Variants in OR51F1 observed in about 807,000 individuals in gnomAD.
The protein encoded by OR51F1 is olfactory receptor family 51 subfamily F member 1, also known as olfactory receptor 51F1.
For missense variants in OR51F1, 438 were observed against 385.4 expected (o/e 1.14, Z -1.14); for synonymous variants, 142 against 143.5 (o/e 0.99, Z 0.08).
rs200200884 is a variant in OR51F1, at chr11:4,769,394, G to T, written c.545C>A (p.Ala182Asp). The T allele has an allele frequency of 1.2e-6, 2 of 1,613,926 alleles. No homozygotes were observed. The highest frequency in any genetic ancestry group is 2.2e-5 in the East Asian group (1 of 44,888). ...ATGGTAACAATAGGAGTGAGAAAGG[G>T]CATTCATTCTACAGAAATAGAGAGG... ...LKPLYFCRMN[A>D]LSHSYCYHPD... The change falls in exon 1 of 1, where the codon GCC (alanine) becomes GAC (aspartate). Residue 182 changes from alanine to aspartate, a missense_variant. Transcript: ENST00000624103.
chr11:4,769,093 A>G lies in OR51F1; in HGVS notation c.846T>C (p.His282=). 5.7e-6 allele frequency: 9 copies of G among 1,589,928 alleles called. No homozygotes were observed. Among genetic ancestry groups the G allele is most frequent in the Non-Finnish European group, 7.7e-6 (9 of 1,167,498 alleles). ...GCAGGTATACATTAGCCATCACTGA[A>G]TGGACTACTCTGGGGGCTGACCGAC... ...RYGRSAPRVV[H]SVMANVYLLL... The change falls in exon 1 of 1, where the codon CAT becomes CAC. Residue 282 remains histidine (H), a synonymous_variant. Transcript: ENST00000624103.
In OR51F1 at chr11:4,769,412, T is replaced by A; in HGVS notation, c.527A>T (p.Tyr176Phe). The A allele has an allele frequency of 6.2e-7, 1 of 1,613,844 alleles. No homozygotes were observed. The highest frequency in any genetic ancestry group is 8.5e-7 in the Non-Finnish European group (1 of 1,179,786). ...AGAAAGGGCATTCATTCTACAGAAA[T>A]AGAGAGGCTTAAGGAGCAAAAGTAG... ...LPLLLLLKPLYFCRMNALSHS... is the reference protein window; with the variant it reads ...LPLLLLLKPLFFCRMNALSHS... The change falls in exon 1 of 1, where the codon TAT becomes TTT. Residue 176 changes from tyrosine to phenylalanine, a missense_variant. By Grantham distance (22) the Tyr-to-Phe change is conservative. Transcript: ENST00000624103.
In OR51F1 at chr11:4,769,562, G is replaced by C. The variant is rs1564905368; in HGVS notation, c.377C>G (p.Ala126Gly). Residue 126 changes from alanine to glycine, a missense_variant, in exon 1 of 1, where the codon GCT becomes GGT. Transcript: ENST00000624103. ...GGCCACATAACGGTCAAAGGCTGTAGCCACCAGCACTCCAGATTCCATAAA... is the reference window on the plus strand; with the variant it reads ...GGCCACATAACGGTCAAAGGCTGTACCCACCAGCACTCCAGATTCCATAAA... The part of the protein sequence containing the change: ...FTFMESGVLV[A>G]TAFDRYVAIC... 6.2e-7 allele frequency: 1 copy of C among 1,613,104 alleles called. No individual in the cohort carries two copies. The highest frequency in any genetic ancestry group is 2.2e-5 in the East Asian group (1 of 44,880).
rs779801855 is a variant in OR51F1, at chr11:4,769,324, G to A, written c.615C>T (p.Ser205=). Residue 205 remains serine (S), a synonymous_variant, in exon 1 of 1, where the codon AGC becomes AGT. Transcript: ENST00000624103. The part of the protein sequence containing the change: ...QLACSDIRAN[S]ICGLIDLILT... ...GGATGAGATCAATTAATCCACAGATGCTATTTGCCCGAATGTCTGAACATG... is the reference window on the plus strand; with the variant it reads ...GGATGAGATCAATTAATCCACAGATACTATTTGCCCGAATGTCTGAACATG... The A allele has an allele frequency of 8.1e-6, 13 of 1,613,130 alleles. No individual in the cohort carries two copies. The South Asian group carries it at 1.2e-4, about 15-fold the overall frequency.
At position 4,769,107 on chromosome 11, in the gene OR51F1, G is replaced by A; in HGVS notation, c.832C>T (p.Pro278Ser). 6.2e-7 allele frequency: 1 copy of A among 1,600,438 alleles called. No homozygotes were observed. The highest frequency in any genetic ancestry group is 8.5e-7 in the Non-Finnish European group (1 of 1,173,076). The change falls in exon 1 of 1, where the codon CCC becomes TCC. Residue 278 changes from proline to serine, a missense_variant. Pro to Ser is a moderately conservative substitution (Grantham distance 74, BLOSUM62 -1). Coordinates refer to ENST00000624103, the MANE Select transcript of OR51F1 (RefSeq NM_001004752.2). ...GCCATCACTGAATGGACTACTCTGGGGGCTGACCGACCATAGCGATACACC... is the reference window on the plus strand; with the variant it reads ...GCCATCACTGAATGGACTACTCTGGAGGCTGACCGACCATAGCGATACACC... ...SLVYRYGRSA[P>S]RVVHSVMANV... is the part of the protein sequence containing the mutation.
In OR51F1 at chr11:4,769,777, G is replaced by C. The variant is rs1341380796; in HGVS notation, c.162C>G (p.Ile54Met). 6.2e-7 allele frequency: 1 copy of C among 1,613,738 alleles called. No homozygotes were observed. Among genetic ancestry groups the C allele is most frequent in the East Asian group, 2.2e-5 (1 of 44,886 alleles). ...TCTGCTGGGTAATGATGACAAACAG[G>C]ATCACGCTGTTCCCAGAGAGGGCAA... ...YAIALSGNSV[I>M]LFVIITQQSL... Residue 54 changes from isoleucine to methionine, a missense_variant, in exon 1 of 1, where the codon ATC (isoleucine) becomes ATG (methionine). By Grantham distance (10) the Ile-to-Met change is conservative. Coordinates refer to ENST00000624103, the MANE Select transcript of OR51F1 (RefSeq NM_001004752.2).
chr11:4,769,255 G>C lies in OR51F1; in HGVS notation c.684C>G (p.Ile228Met), dbSNP rs1288552034. 6.2e-7 allele frequency: 1 copy of C among 1,613,594 alleles called. No homozygotes were observed. Reference protein sequence around the residue: ...IDTPCIVLSYILIIHSVLRIA... With the variant: ...IDTPCIVLSYMLIIHSVLRIA... Reference sequence around the variant, plus strand: ...TTCTGAGGACAGAGTGAATAATTAAGATATATGACAGGACAATGCATGGTG... The same window carrying C: ...TTCTGAGGACAGAGTGAATAATTAACATATATGACAGGACAATGCATGGTG... The change falls in exon 1 of 1, where the codon ATC (isoleucine) becomes ATG (methionine). Residue 228 changes from isoleucine to methionine, a missense_variant. Physicochemically the swap from Ile to Met is conservative, Grantham distance 10. Coordinates refer to ENST00000624103, the MANE Select transcript of OR51F1 (RefSeq NM_001004752.2).
In OR51F1 at chr11:4,769,724, A is replaced by T; in HGVS notation, c.215T>A (p.Leu72His). The T allele has an allele frequency of 6.2e-7, 1 of 1,613,586 alleles. No homozygotes were observed. The highest frequency in any genetic ancestry group is 8.5e-7 in the Non-Finnish European group (1 of 1,179,482). ...CAGATCAGTGGCTGATAGCCTGAAG[A>T]GGAAATAATACATGGGTTCATGGAG... ...QSLHEPMYYFLFRLSATDLGL... is the reference protein window; with the variant it reads ...QSLHEPMYYFHFRLSATDLGL... Residue 72 changes from leucine (L) to histidine (H), a missense_variant, in exon 1 of 1, where the codon CTC (leucine) becomes CAC (histidine). Leu to His is a moderately conservative substitution (Grantham distance 99, BLOSUM62 -3). Coordinates refer to ENST00000624103, the MANE Select transcript of OR51F1 (RefSeq NM_001004752.2).
rs539268071 is a variant in OR51F1 at position 4,769,514 on chromosome 11, G to C, written c.425C>G (p.Thr142Ser). 3.7e-6 allele frequency: 6 copies of C among 1,613,722 alleles called. No individual in the cohort carries two copies. In the East Asian group the frequency reaches 6.7e-5, roughly 18 times the overall value. ...GATTCTGGAATTAGTGAGAATGGTA[G>C]TGTACCTCAGAGGGTCACAGATGGC... ...YVAICDPLRY[T>S]TILTNSRIIQ... The change falls in exon 1 of 1, where the codon ACT becomes AGT. Residue 142 changes from threonine (T) to serine (S), a missense_variant. Coordinates refer to ENST00000624103, the MANE Select transcript of OR51F1 (RefSeq NM_001004752.2).
Position 4,769,563 on chromosome 11 carries a change from C to A in OR51F1, c.376G>T (p.Ala126Ser), listed in dbSNP as rs1348736696. 1.1e-5 allele frequency: 17 copies of A among 1,613,076 alleles called. No homozygotes were observed. The highest frequency in any genetic ancestry group is 1.4e-5 in the Non-Finnish European group (17 of 1,179,154). The part of the protein sequence containing the change: ...FTFMESGVLV[A>S]TAFDRYVAIC... ...GCCACATAACGGTCAAAGGCTGTAGCCACCAGCACTCCAGATTCCATAAAA... is the reference window on the plus strand; with the variant it reads ...GCCACATAACGGTCAAAGGCTGTAGACACCAGCACTCCAGATTCCATAAAA... The change falls in exon 1 of 1, where the codon GCT (alanine) becomes TCT (serine). Residue 126 changes from alanine to serine, a missense_variant. Coordinates refer to ENST00000624103, the MANE Select transcript of OR51F1 (RefSeq NM_001004752.2).
rs1430384319 is a variant in OR51F1, at chr11:4,769,544, T to C, written c.395A>G (p.Tyr132Cys). ...CCTCAGAGGGTCACAGATGGCCACA[T>C]AACGGTCAAAGGCTGTAGCCACCAG... ...GVLVATAFDR[Y>C]VAICDPLRYT... is the part of the protein sequence containing the mutation. Residue 132 changes from tyrosine (Y) to cysteine (C), a missense_variant, in exon 1 of 1, where the codon TAT becomes TGT. By Grantham distance (194) the Tyr-to-Cys change is radical. Transcript: ENST00000624103. 1 of 1,613,566 alleles carries C rather than the reference T, an allele frequency of 6.2e-7. No individual in the cohort carries two copies. Among genetic ancestry groups the C allele is most frequent in the South Asian group, 1.1e-5 (1 of 91,048 alleles).
Position 4,769,602 on chromosome 11 carries a change from GAA to G in OR51F1, c.335_336del (p.Phe112SerfsTer18). On this transcript the variant is annotated frameshift_variant, in exon 1 of 1. Coordinates refer to ENST00000624103, the MANE Select transcript of OR51F1 (RefSeq NM_001004752.2). LOFTEE classifies it low-confidence loss of function (END_TRUNC). ...GATTCCATAAAAGTGAATCCATGAA[GAA>G]AAAACATCTGGACAATGCAGCTATA... ...SLYSCIVQMF[F>X]LHGFTFMESG... is the part of the protein sequence containing the mutation. 6.2e-7 allele frequency: 1 copy of G among 1,613,134 alleles called. No individual in the cohort carries two copies. The highest frequency in any genetic ancestry group is 2.2e-5 in the East Asian group (1 of 44,878).
Position 4,769,751 on chromosome 11 carries a change from CT to C in OR51F1, c.187del (p.Ser63ValfsTer20), listed in dbSNP as rs1848689457. 2 of 1,613,840 alleles carry C rather than the reference CT, an allele frequency of 1.2e-6. No individual in the cohort carries two copies. The highest frequency in any genetic ancestry group is 3.3e-5 in the Admixed American group (2 of 59,980). On this transcript the variant is annotated frameshift_variant, in exon 1 of 1. Transcript: ENST00000624103. LOFTEE classifies it low-confidence loss of function (END_TRUNC). ...GAAATAATACATGGGTTCATGGAGA[CT>C]CTGCTGGGTAATGATGACAAACAGG... ...VILFVIITQQ[S>X]LHEPMYYFLF...
chr11:4,769,183 G>A lies in OR51F1; in HGVS notation c.756C>T (p.Ser252=), dbSNP rs773791278. 4 of 1,614,082 alleles carry A rather than the reference G, an allele frequency of 2.5e-6. No homozygotes were observed. Among genetic ancestry groups the A allele is most frequent in the South Asian group, 1.1e-5 (1 of 91,080 alleles). ...AGAAGAAAGCAACTGCTCCCACATG[G>A]GAGACACAGGTGCTGAAGACCTTGT... ...EWHKVFSTCV[S]HVGAVAFFYI... Residue 252 remains serine (S), a synonymous_variant, in exon 1 of 1, where the codon TCC becomes TCT. Transcript: ENST00000624103.
rs755640092 is a variant in OR51F1 at position 4,769,546 on chromosome 11, A to ATT, written c.392_393insAA (p.Tyr132IlefsTer9). On this transcript the variant is annotated frameshift_variant, in exon 1 of 1. Coordinates refer to ENST00000624103, the MANE Select transcript of OR51F1 (RefSeq NM_001004752.2). LOFTEE classifies it low-confidence loss of function (END_TRUNC). ...TCAGAGGGTCACAGATGGCCACATA[A>ATT]CGGTCAAAGGCTGTAGCCACCAGCA... 23 of 1,613,478 alleles carry ATT rather than the reference A, an allele frequency of 1.4e-5. No homozygotes were observed. Among genetic ancestry groups the ATT allele is most frequent in the South Asian group, 2.2e-5 (2 of 91,044 alleles).
At position 4,769,788 on chromosome 11, in the gene OR51F1, T is replaced by A; in HGVS notation, c.151A>T (p.Asn51Tyr). The A allele has an allele frequency of 1.2e-6, 2 of 1,613,708 alleles. No individual in the cohort carries two copies. The highest frequency in any genetic ancestry group is 2.2e-5 in the South Asian group (2 of 91,052). ...ATGATGACAAACAGGATCACGCTGT[T>A]CCCAGAGAGGGCAATGGCATAAAAA... ...CCFYAIALSG[N>Y]SVILFVIITQ... The change falls in exon 1 of 1, where the codon AAC becomes TAC. Residue 51 changes from asparagine to tyrosine, a missense_variant. By Grantham distance (143) the Asn-to-Tyr change is moderately radical. Transcript: ENST00000624103.
Position 4,769,136 on chromosome 11 carries a change from G to T in OR51F1, c.803C>A (p.Ser268Tyr). 4 of 1,611,912 alleles carry T rather than the reference G, an allele frequency of 2.5e-6. No homozygotes were observed. In the South Asian group the frequency reaches 4.4e-5, roughly 18 times the overall value. The change falls in exon 1 of 1, where the codon TCC becomes TAC. Residue 268 changes from serine (S) to tyrosine (Y), a missense_variant. By Grantham distance (144) the Ser-to-Tyr change is moderately radical. Coordinates refer to ENST00000624103, the MANE Select transcript of OR51F1 (RefSeq NM_001004752.2). ...TGACCGACCATAGCGATACACCAAG[G>T]ACAGGCTCAGCATGTGGATGTAGAA... The part of the protein sequence containing the change: ...AFFYIHMLSL[S>Y]LVYRYGRSAP...
rs141328236 is a variant in OR51F1, at chr11:4,769,791, C to T, written c.148G>A (p.Gly50Arg). ...ATGACAAACAGGATCACGCTGTTCCCAGAGAGGGCAATGGCATAAAAACAA... is the reference window on the plus strand; with the variant it reads ...ATGACAAACAGGATCACGCTGTTCCTAGAGAGGGCAATGGCATAAAAACAA... ...FCCFYAIALS[G>R]NSVILFVIIT... Residue 50 changes from glycine to arginine, a missense_variant, in exon 1 of 1, where the codon GGG (glycine) becomes AGG (arginine). Physicochemically the swap from Gly to Arg is moderately radical, Grantham distance 125. Coordinates refer to ENST00000624103, the MANE Select transcript of OR51F1 (RefSeq NM_001004752.2). 3.1e-5 allele frequency: 50 copies of T among 1,613,408 alleles called. No individual in the cohort carries two copies. The highest frequency in any genetic ancestry group is 1.6e-4 in the Middle Eastern group (1 of 6,084).
Position 4,769,825 on chromosome 11 carries a change from A to C in OR51F1, c.114T>G (p.Ile38Met), listed in dbSNP as rs1848691341. ...CAATGGCATAAAAACAACAGAAAGG[A>C]ATGGAGATCCAGACATGGGCAGACT... ...GLESAHVWIS[I>M]PFCCFYAIAL... Residue 38 changes from isoleucine to methionine, a missense_variant, in exon 1 of 1, where the codon ATT becomes ATG. Physicochemically the swap from Ile to Met is conservative, Grantham distance 10. Coordinates refer to ENST00000624103, the MANE Select transcript of OR51F1 (RefSeq NM_001004752.2). The C allele has an allele frequency of 6.2e-7, 1 of 1,612,888 alleles. No individual in the cohort carries two copies. Among genetic ancestry groups the C allele is most frequent in the African/African-American group, 1.3e-5 (1 of 74,998 alleles).
Sources: gnomAD v4.1 joint callset for allele counts on GRCh38, gnomAD v4.1.1 for gene constraint, MANE v1.5 for transcripts, NCBI Gene and HGNC (gene_info 2026-07-23, HGNC 2026-07-21) for gene names.